EPHA6: variants seen among roughly 807,000 people sequenced by gnomAD.
EPHA6 encodes EPH receptor A6, also known as ephrin type-A receptor 6.
In EPHA6, 50 loss-of-function variants were observed where a neutral mutation model predicts 112.0. The observed-to-expected ratio is 0.45, with a 90% CI of 0.36 to 0.56. The LOEUF (loss-of-function observed/expected upper bound fraction) is 0.56. Among genes scored for constraint, EPHA6 ranks in the 20% least tolerant of loss-of-function variants. The pLI, the probability that EPHA6 is intolerant of heterozygous loss-of-function variation, is 0.00. For missense variants in EPHA6, 1,280 were observed against 1,417.4 expected (o/e 0.90, Z 1.56); for synonymous variants, 529 against 490.7 (o/e 1.08, Z -1.03).
At chr3:97,367,869 C>T (rs1422479808) in intron 5 of EPHA6, among the ~76,000 whole-genome samples, 2 of 151,842 alleles carry the variant, frequency 1.3e-5, no homozygotes, top group Admixed American at 1.3e-4. Flanking sequence ...ACATATTGTC[C>T]TAAAAAAAGT....
intron 3 of EPHA6, among the ~76,000 whole-genome samples, chr3:97,210,541 T>C (rs1346823344): frequency 1.3e-5 from 2 of 152,144 alleles, no homozygotes; most frequent in Non-Finnish European, 2.9e-5. Flanking sequence ...TCACCAATTA[T>C]TCTTTAAAAG....
intron 1 of EPHA6, among the ~76,000 whole-genome samples, chr3:96,817,955 GAACCA>G (rs1303573143): frequency 2.6e-5 from 4 of 151,846 alleles, no homozygotes; most frequent in Non-Finnish European, 5.9e-5. Context: ...CTCTTCCTAT[GAACCA>G]AACCTCCTTG....
At chr3:97,661,402 C>T (rs774007440) in intron 14 of EPHA6, among the ~76,000 whole-genome samples, 1 of 152,060 alleles carries the variant, frequency 6.6e-6, no homozygotes, top group Admixed American at 6.6e-5. Context: ...AGAACATTAG[C>T]GTTTATGTGG....
intron 3 of EPHA6, among the ~76,000 whole-genome samples, chr3:97,017,803 T>C (rs2044314466): frequency 6.6e-6 from 1 of 152,156 alleles, no homozygotes; most frequent in Admixed American, 6.5e-5. Flanking sequence ...TCTATAACTT[T>C]ATTGTATTTG....
At chr3:96,927,148 C>T (rs1195791342) in intron 2 of EPHA6, among the ~76,000 whole-genome samples, 3 of 152,216 alleles carry the variant, frequency 2.0e-5, no homozygotes, top group East Asian at 3.9e-4. Context: ...AGGCTTGGGG[C>T]TTGCACCCAC....
intron 7 of EPHA6, chr3:97,466,234 G>C: frequency 1.1e-6 from 1 of 923,112 alleles, no homozygotes; most frequent in South Asian, 1.3e-5. Context: ...TTGGGAGGCT[G>C]TGTTTATCAT....
chr3:96,867,301 C>T (rs1349337608), intron 2 of EPHA6, among the ~76,000 whole-genome samples: 1 of 151,596 alleles, frequency 6.6e-6, no homozygotes, highest in African/African-American at 2.4e-5. Context: ...GTTTTTAATA[C>T]AGAATACAAG....
intron 3 of EPHA6, among the ~76,000 whole-genome samples, chr3:97,105,992 G>A (rs1346795845): frequency 2.0e-5 from 3 of 151,802 alleles, no homozygotes; most frequent in Admixed American, 6.6e-5. Flanking sequence ...TCTGATTTCC[G>A]TTTGCTTGGC....
At chr3:97,533,830 A>G (rs1299305365) in intron 11 of EPHA6, among the ~76,000 whole-genome samples, 1 of 152,082 alleles carries the variant, frequency 6.6e-6, no homozygotes, top group African/African-American at 2.4e-5. Flanking sequence ...CTGAACTCCA[A>G]GCGGAATGTC....
intron 3 of EPHA6, among the ~76,000 whole-genome samples, chr3:97,174,940 C>T (rs1455210750): frequency 4.6e-5 from 7 of 151,946 alleles, no homozygotes; most frequent in East Asian, 1.9e-4. Flanking sequence ...GTTGCCTGTA[C>T]GTGTGGGGTA....
At chr3:97,127,608 C>T (rs1252692713) in intron 3 of EPHA6, among the ~76,000 whole-genome samples, 1 of 151,784 alleles carries the variant, frequency 6.6e-6, no homozygotes, top group Admixed American at 6.6e-5. Context: ...GTAGTTCCAG[C>T]TGCTGAGGAG....
chr3:97,301,667 G>T (rs1461310656), intron 5 of EPHA6, among the ~76,000 whole-genome samples: 1 of 152,042 alleles, frequency 6.6e-6, no homozygotes, highest in African/African-American at 2.4e-5. Context: ...TAATCTGGCA[G>T]TTTTCTCACA....
intron 5 of EPHA6, among the ~76,000 whole-genome samples, chr3:97,370,579 T>TAG (rs1221765209): frequency 6.6e-6 from 1 of 152,184 alleles, no homozygotes; most frequent in Non-Finnish European, 1.5e-5. Flanking sequence ...ATAACAGTAT[T>TAG]AGATTAAAAA....
intron 3 of EPHA6, among the ~76,000 whole-genome samples, chr3:97,046,484 C>T (rs1367432866): frequency 6.6e-6 from 1 of 152,112 alleles, no homozygotes; most frequent in Non-Finnish European, 1.5e-5. Flanking sequence ...AATTGAAAGA[C>T]ATGACAAGAT....
At chr3:97,164,990 A>G (rs2076506021) in intron 3 of EPHA6, among the ~76,000 whole-genome samples, 1 of 152,128 alleles carries the variant, frequency 6.6e-6, no homozygotes, top group African/African-American at 2.4e-5. Context: ...ACCACTGCCA[A>G]CTAAGTTGAA....
At chr3:97,709,644 T>C (rs1325636017) in intron 14 of EPHA6, among the ~76,000 whole-genome samples, 1 of 152,172 alleles carries the variant, frequency 6.6e-6, no homozygotes, top group African/African-American at 2.4e-5. Flanking sequence ...CAGGGTGGAT[T>C]GATATGGTTT....
intron 5 of EPHA6, among the ~76,000 whole-genome samples, chr3:97,392,790 T>G (rs1311915566): frequency 6.6e-6 from 1 of 151,780 alleles, no homozygotes; most frequent in African/African-American, 2.4e-5. Context: ...TCATATTATT[T>G]TAGTTTTTAC....
At chr3:97,124,358 G>A (rs551663478) in intron 3 of EPHA6, among the ~76,000 whole-genome samples, 17 of 151,656 alleles carry the variant, frequency 1.1e-4, no homozygotes, top group African/African-American at 2.9e-4. Flanking sequence ...AGATATTTGA[G>A]TATTTTATTA....
chr3:97,310,342 G>T (rs2081498963), intron 5 of EPHA6, among the ~76,000 whole-genome samples: 1 of 151,404 alleles, frequency 6.6e-6, no homozygotes, highest in Admixed American at 6.6e-5. Flanking sequence ...ATTTGGAAAA[G>T]GCAGCCTCTA....
Sources: gnomAD v4.1 joint callset for allele counts (sites outside exome capture counted in the v4.1 genomes callset) on GRCh38, gnomAD v4.1.1 for gene constraint, MANE v1.5 for transcripts, NCBI Gene and HGNC (gene_info 2026-07-23, HGNC 2026-07-21) for gene names.